Variants in SLC44A5 observed in about 807,000 individuals in gnomAD.
SLC44A5 encodes solute carrier family 44 member 5.
A neutral mutation model predicts 101.8 loss-of-function variants in SLC44A5; 57 were observed. The observed-to-expected ratio is 0.56, with a 90% CI of 0.45 to 0.70. The LOEUF is 0.70. SLC44A5 is among the 30% of genes least tolerant of loss of function. The pLI is 0.00. For missense variants in SLC44A5, 737 were observed against 853.1 expected (o/e 0.86, Z 1.70); for synonymous variants, 281 against 290.9 (o/e 0.97, Z 0.35).
At chr1:75,555,845 T>C (rs144145591) in intron 1 of SLC44A5, among the ~76,000 whole-genome samples, 15 of 152,268 alleles carry the variant, frequency 9.9e-5, no homozygotes, top group African/African-American at 3.6e-4. Flanking sequence ...CAAATATTTG[T>C]ATATCCACAC....
the SLC44A5 span, among the ~76,000 whole-genome samples, chr1:75,719,909 G>A: frequency 2.0e-5 from 3 of 152,162 alleles, no homozygotes; most frequent in Admixed American, 2.0e-4. Context: ...AAAGAAGGGT[G>A]CGTGAGACTC....
chr1:75,631,712 T>G, the SLC44A5 span, among the ~76,000 whole-genome samples: 1 of 152,008 alleles, frequency 6.6e-6, no homozygotes, highest in African/African-American at 2.4e-5. Flanking sequence ...AATTTTTGTA[T>G]TTTTAGTAGA....
intron 2 of SLC44A5, among the ~76,000 whole-genome samples, chr1:75,398,111 C>G (rs893066703): frequency 3.3e-5 from 5 of 152,122 alleles, no homozygotes; most frequent in Middle Eastern, 3.2e-3. Context: ...ACAATACGGA[C>G]TACCTTTTTC....
intron 2 of SLC44A5, among the ~76,000 whole-genome samples, chr1:75,445,989 A>C (rs1216788469): frequency 6.6e-6 from 1 of 152,112 alleles, no homozygotes; most frequent in Non-Finnish European, 1.5e-5. Context: ...TCAGCAACTC[A>C]TATGAGCTCT....
intron 6 of SLC44A5, among the ~76,000 whole-genome samples, chr1:75,253,316 A>G (rs1768544): frequency 0.047 from 7,155 of 152,244 alleles, 622 homozygotes; most frequent in African/African-American, 0.16. Flanking sequence ...ATGAAACTGA[A>G]ATCTTAAATT....
chr1:75,248,240 C>T (rs1426061803), intron 7 of SLC44A5, among the ~76,000 whole-genome samples: 2 of 151,900 alleles, frequency 1.3e-5, no homozygotes, highest in Non-Finnish European at 2.9e-5. Flanking sequence ...GGAAGCCTCA[C>T]TAAGAAGGTA....
intron 2 of SLC44A5, among the ~76,000 whole-genome samples, chr1:75,441,187 C>A (rs1346057078): frequency 1.3e-5 from 2 of 152,064 alleles, no homozygotes; most frequent in African/African-American, 4.8e-5. Context: ...GCATGACTTT[C>A]AAACCAGTAG....
At chr1:75,683,411 G>A in the SLC44A5 span, among the ~76,000 whole-genome samples, 1 of 151,644 alleles carries the variant, frequency 6.6e-6, no homozygotes, top group Non-Finnish European at 1.5e-5. Context: ...ATACACCATG[G>A]AATACTATGC....
chr1:75,676,704 A>T, the SLC44A5 span, among the ~76,000 whole-genome samples: 1 of 152,204 alleles, frequency 6.6e-6, no homozygotes, highest in Non-Finnish European at 1.5e-5. Flanking sequence ...TTAAAATTTT[A>T]TTTAAAGGTA....
chr1:75,576,848 C>A (rs1673396317), intron 1 of SLC44A5, among the ~76,000 whole-genome samples: 1 of 152,160 alleles, frequency 6.6e-6, no homozygotes, highest in South Asian at 2.1e-4. Flanking sequence ...GAGAAGTTAA[C>A]CTTTCTAAAC....
intron 1 of SLC44A5, among the ~76,000 whole-genome samples, chr1:75,594,585 ATCG>A (rs1674532244): frequency 6.6e-6 from 1 of 152,042 alleles, no homozygotes; most frequent in Non-Finnish European, 1.5e-5. Flanking sequence ...TTATAATGAA[ATCG>A]TCAAGTGATA....
chr1:75,250,038 G>C (rs1488531166), intron 7 of SLC44A5, among the ~76,000 whole-genome samples: 1 of 152,090 alleles, frequency 6.6e-6, no homozygotes, highest in Non-Finnish European at 1.5e-5. Context: ...TACATGTGCA[G>C]GTTTGTTACA....
chr1:75,444,775 T>G (rs1052795280), intron 2 of SLC44A5, among the ~76,000 whole-genome samples: 7 of 152,076 alleles, frequency 4.6e-5, no homozygotes, highest in Non-Finnish European at 1.0e-4. Flanking sequence ...GGCAGTCCAC[T>G]TGTTTTAGCA....
At chr1:75,703,360 C>T in the SLC44A5 span, among the ~76,000 whole-genome samples, 11 of 152,020 alleles carry the variant, frequency 7.2e-5, no homozygotes, top group African/African-American at 1.2e-4. Flanking sequence ...GTCCTTTGTA[C>T]GGACACGGAT....
intron 4 of SLC44A5, among the ~76,000 whole-genome samples, chr1:75,333,653 C>T (rs934048591): frequency 2.0e-5 from 3 of 152,076 alleles, no homozygotes; most frequent in African/African-American, 7.2e-5. Flanking sequence ...AGTTTCTCCC[C>T]AACAAAGTTT....
At chr1:75,582,431 G>A in intron 1 of SLC44A5, 1 of 680,300 alleles carries the variant, frequency 1.5e-6, no homozygotes, top group South Asian at 1.8e-5. Context: ...TGCCCACATT[G>A]CCAAAGGGCT....
At chr1:75,298,745 G>A (rs553617238) in intron 5 of SLC44A5, among the ~76,000 whole-genome samples, 6 of 152,240 alleles carry the variant, frequency 3.9e-5, no homozygotes, top group Non-Finnish European at 7.4e-5. Flanking sequence ...ATTATGGGTT[G>A]CCATGGAAAT....
At chr1:75,267,387 T>A (rs1651086852) in intron 6 of SLC44A5, among the ~76,000 whole-genome samples, 1 of 152,170 alleles carries the variant, frequency 6.6e-6, no homozygotes, top group Admixed American at 6.6e-5. Context: ...TCAGCATATT[T>A]ACTTCTTTTT....
the SLC44A5 span, among the ~76,000 whole-genome samples, chr1:75,703,899 A>C: frequency 6.6e-6 from 1 of 151,816 alleles, no homozygotes; most frequent in East Asian, 1.9e-4. Flanking sequence ...GAAAAAAAAA[A>C]CCTCCAGGCC....
Sources: gnomAD v4.1 joint callset for allele counts (sites outside exome capture counted in the v4.1 genomes callset) on GRCh38, gnomAD v4.1.1 for gene constraint, MANE v1.5 for transcripts, NCBI Gene and HGNC (gene_info 2026-07-23, HGNC 2026-07-21) for gene names.